Variants in HSP90AB1 observed in about 807,000 individuals in gnomAD.
The protein encoded by HSP90AB1 is heat shock protein HSP 90-beta.
A neutral mutation model predicts 67.8 loss-of-function variants in HSP90AB1; 17 were observed. The observed-to-expected ratio is 0.25, with a 90% CI of 0.17 to 0.38. The LOEUF is 0.38. Among genes scored for constraint, HSP90AB1 ranks in the 10% least tolerant of loss-of-function variants. The pLI is 1.00. For missense variants in HSP90AB1, 690 were observed against 899.9 expected, an observed-to-expected ratio of 0.77 and a Z score of 2.98; for synonymous variants, 390 against 312.9, an observed-to-expected ratio of 1.25 and a Z score of -2.60.
rs898687901 is a variant in HSP90AB1 at position 44,251,050 on chromosome 6, C to T, written c.960C>T (p.His320=). 34 of 1,613,776 alleles carry T rather than the reference C, an allele frequency of 2.1e-5. No homozygotes were observed. The highest frequency in any genetic ancestry group is 2.8e-5 in the Non-Finnish European group (33 of 1,179,834). ...CACTTATTTTTGGTTTCTTTCAGCACTTTTCTGTAGAAGGTCAGTTGGAAT... is the reference window on the plus strand; with the variant it reads ...CACTTATTTTTGGTTTCTTTCAGCATTTTTCTGTAGAAGGTCAGTTGGAAT... ...NDWEDHLAVK[H]FSVEGQLEFR... The change falls in exon 7 of 12, where the codon CAC becomes CAT. Residue 320 remains histidine (H), a splice_region_variant and synonymous_variant. Coordinates refer to ENST00000371646, the MANE Select transcript of HSP90AB1 (RefSeq NM_007355.4).
rs961885455 is a variant in HSP90AB1, at chr6:44,252,929, G to T, written c.1732-116G>T. The stretch of plus-strand genomic sequence containing the variant: ...GGGTTTTGCCATGTTGGCCAGCATG[G>T]TCTCAAACTCAAGTGGTCTGTCCAC... On this transcript the variant is annotated intron_variant, in intron 10 of 11. Coordinates refer to ENST00000371646, the MANE Select transcript of HSP90AB1 (RefSeq NM_007355.4). 7.6e-6 allele frequency: 6 copies of T among 787,368 alleles called. No individual in the cohort carries two copies. The African/African-American group carries it at 8.7e-5, about 11-fold the overall frequency. The allele number at this position is 787,368 out of a possible 1,614,324, so 48.8% of individuals were successfully genotyped here.
upstream of HSP90AB1, among the ~76,000 whole-genome samples, chr6:44,246,647 C>G (rs148067081): frequency 6.6e-6 from 1 of 152,178 alleles, no homozygotes; most frequent in Non-Finnish European, 1.5e-5. Context: ...GTCCCTCTGT[C>G]GGGACGCGAG....
chr6:44,250,513 A>G lies in HSP90AB1; in HGVS notation c.871A>G (p.Arg291Gly). ...AAACAAGACCAAGCCTATTTGGACC[A>G]GAAACCCTGATGACATCACCCAAGA... ...ELNKTKPIWT[R>G]NPDDITQEEY... is the part of the protein sequence containing the mutation. Residue 291 changes from arginine to glycine, a missense_variant, in exon 6 of 12, where the codon AGA (arginine) becomes GGA (glycine). Arg to Gly is a moderately radical substitution (Grantham distance 125, BLOSUM62 -2). Transcript: ENST00000371646. 1.2e-6 allele frequency: 2 copies of G among 1,614,176 alleles called. No homozygotes were observed. The highest frequency in any genetic ancestry group is 1.7e-6 in the Non-Finnish European group (2 of 1,179,988).
chr6:44,253,037 G>T lies in HSP90AB1; in HGVS notation c.1732-8G>T, dbSNP rs781471728. ...ATGTCAATCTAAGGCTTTTGTGATCGTCCACAGGTGACAATCTCCAATAGA... is the reference window on the plus strand; with the variant it reads ...ATGTCAATCTAAGGCTTTTGTGATCTTCCACAGGTGACAATCTCCAATAGA... On this transcript the variant is annotated splice_polypyrimidine_tract_variant and splice_region_variant and intron_variant, in intron 10 of 11. Transcript: ENST00000371646. 1 of 1,610,310 alleles carries T rather than the reference G, an allele frequency of 6.2e-7. No homozygotes were observed. Among genetic ancestry groups the T allele is most frequent in the Non-Finnish European group, 8.5e-7 (1 of 1,176,758 alleles).
At chr6:44,248,368 TTC>T (rs35548963) in intron 1 of HSP90AB1, among the ~76,000 whole-genome samples, 6 of 152,362 alleles carry the variant, frequency 3.9e-5, no homozygotes, top group Non-Finnish European at 5.9e-5. Context: ...CTGGTCACCA[TTC>T]TTTAAGTAGG....
At chr6:44,251,906 C>G (rs2153321318) in intron 9 of HSP90AB1, 22 bp downstream of exon 9, 1 of 1,613,412 alleles carries the variant, frequency 6.2e-7, no homozygotes, top group Non-Finnish European at 8.5e-7. Flanking sequence ...CTGATTGAAG[C>G]CTTTTTGGAG....
intron 7 of HSP90AB1, 95 bp downstream of exon 7, chr6:44,251,308 C>T: frequency 2.6e-6 from 4 of 1,532,630 alleles, no homozygotes; most frequent in East Asian, 4.5e-5. Context: ...TTCTGCAATA[C>T]ATAGTAGGTG....
Position 44,251,140 on chromosome 6 carries a change from G to A in HSP90AB1, c.1050G>A (p.Lys350=). The change falls in exon 7 of 12, where the codon AAG becomes AAA. Residue 350 remains lysine, a synonymous_variant. Coordinates refer to ENST00000371646, the MANE Select transcript of HSP90AB1 (RefSeq NM_007355.4). ...PFDLFENKKK[K]NNIKLYVRRV... Reference sequence around the variant, plus strand: ...ACCTTTTTGAGAACAAGAAGAAAAAGAACAACATCAAACTCTATGTCCGCC... The same window carrying A: ...ACCTTTTTGAGAACAAGAAGAAAAAAAACAACATCAAACTCTATGTCCGCC... The A allele has an allele frequency of 6.2e-7, 1 of 1,614,162 alleles. No individual in the cohort carries two copies. Among genetic ancestry groups the A allele is most frequent in the Admixed American group, 1.7e-5 (1 of 60,026 alleles).
At position 44,253,358 on chromosome 6, in the gene HSP90AB1, G is replaced by A. The variant is rs749905585; in HGVS notation, c.2045G>A (p.Arg682His). 9.3e-6 allele frequency: 15 copies of A among 1,613,974 alleles called. No homozygotes were observed. The highest frequency in any genetic ancestry group is 2.2e-5 in the East Asian group (1 of 44,896). The part of the protein sequence containing the change: ...DPQTHSNRIY[R>H]MIKLGLGIDE... ...CAGACCCACTCCAACCGCATCTATC[G>A]CATGATCAAGCTAGGTCTAGGTAAG... Residue 682 changes from arginine (R) to histidine (H), a missense_variant, in exon 11 of 12, where the codon CGC (arginine) becomes CAC (histidine). This residue lies in a region of HSP90AB1 where 120 missense variants were observed against 153.5 expected (regional missense o/e 0.78). Transcript: ENST00000371646.
rs906387294 is a variant in HSP90AB1 at position 44,251,895 on chromosome 6, T to G, written c.1462+11T>G. On this transcript the variant is annotated intron_variant, in intron 9 of 11. Transcript: ENST00000371646. ...TCTATTACATCACTGGTGCGTTGAC[T>G]CTGATTGAAGCCTTTTTGGAGGAGT... is the stretch of plus-strand genomic sequence containing the variant. The G allele has an allele frequency of 3.1e-6, 5 of 1,613,238 alleles. No homozygotes were observed. The African/African-American group carries it at 5.3e-5, about 17-fold the overall frequency.
chr6:44,253,017 A>G (rs778245912), intron 10 of HSP90AB1, 28 bp from the exon 11 acceptor site: 11 of 1,582,830 alleles, frequency 6.9e-6, no homozygotes, highest in Non-Finnish European at 9.5e-6. Flanking sequence ...TGGTAATGTC[A>G]ATCTAAGGCT....
chr6:44,246,928 C>T (rs1356936430), upstream of HSP90AB1, among the ~76,000 whole-genome samples: 2 of 152,160 alleles, frequency 1.3e-5, no homozygotes, highest in Non-Finnish European at 2.9e-5. Context: ...TGGGCGGATC[C>T]GTTGCTTGGG....
Position 44,250,297 on chromosome 6 carries a change from A to G in HSP90AB1, c.655A>G (p.Lys219Glu). Residue 219 changes from lysine to glutamate, a missense_variant, in exon 6 of 12, where the codon AAG becomes GAG. Physicochemically the swap from Lys to Glu is moderately conservative, Grantham distance 56. This residue lies in a region of HSP90AB1 where 146 missense variants were observed against 143.7 expected (regional missense o/e 1.02). Transcript: ENST00000371646. Reference protein sequence around the residue: ...IGYPITLYLEKEREKEISDDE... With the variant: ...IGYPITLYLEEEREKEISDDE... Reference sequence around the variant, plus strand: ...TTCTGTTTTTGTTACTTAGTTGGAGAAGGAACGAGAGAAGGAAATTAGTGA... The same window carrying G: ...TTCTGTTTTTGTTACTTAGTTGGAGGAGGAACGAGAGAAGGAAATTAGTGA... The G allele has an allele frequency of 6.2e-7, 1 of 1,613,160 alleles. No individual in the cohort carries two copies. Among genetic ancestry groups the G allele is most frequent in the Non-Finnish European group, 8.5e-7 (1 of 1,179,610 alleles).
At chr6:44,247,714 G>A (rs1780096700) in intron 1 of HSP90AB1, among the ~76,000 whole-genome samples, 1 of 152,210 alleles carries the variant, frequency 6.6e-6, no homozygotes, top group Non-Finnish European at 1.5e-5. Context: ...TCCAGCACCC[G>A]ATACTCCCTC....
rs770629980 is a variant in HSP90AB1, at chr6:44,253,776, CTA to C, written c.*179_*180del. 6 of 777,584 alleles carry C rather than the reference CTA, an allele frequency of 7.7e-6. No homozygotes were observed. In the Admixed American group the frequency reaches 1.0e-4, roughly 13 times the overall value. 48.2% of individuals were successfully genotyped at this position (777,584 alleles called of 1,614,324 possible). A position where few individuals can be genotyped will look rare whatever the true frequency, so the allele number is the denominator to read the frequency against. ...AAGGGTGTCAAGCCCCATTCCCTCT[CTA>C]CTCTTGACAGCAGGATTGGATGTTG... is the stretch of plus-strand genomic sequence containing the variant. On this transcript the variant is annotated 3_prime_UTR_variant, in exon 12 of 12. Transcript: ENST00000371646.
chr6:44,251,258 G>C, intron 7 of HSP90AB1, 45 bp downstream of exon 7: 8 of 1,601,440 alleles, frequency 5.0e-6, no homozygotes, highest in Non-Finnish European at 5.1e-6. Context: ...AGTCTTGGGA[G>C]GTTTTAGGCA....
At chr6:44,248,542 C>T (rs771592920) in intron 1 of HSP90AB1, 88 bp from the exon 2 acceptor site, 27 of 1,251,402 alleles carry the variant, frequency 2.2e-5, no homozygotes, top group Non-Finnish European at 2.9e-5. Flanking sequence ...AACTCACTGT[C>T]TAAGGTCCTA....
chr6:44,246,877 C>T (rs1225418479), upstream of HSP90AB1, among the ~76,000 whole-genome samples: 2 of 152,216 alleles, frequency 1.3e-5, no homozygotes, highest in African/African-American at 2.4e-5. Flanking sequence ...GAGTCATGTC[C>T]TAGACGTGAA....
In HSP90AB1 at chr6:44,253,689, T is replaced by G. The variant is rs778731073; in HGVS notation, c.*91T>G. 1.1e-6 allele frequency: 1 copy of G among 927,264 alleles called. No individual in the cohort carries two copies. The highest frequency in any genetic ancestry group is 1.8e-6 in the Non-Finnish European group (1 of 552,472). 57.4% of individuals were successfully genotyped at this position (927,264 alleles called of 1,614,324 possible). On this transcript the variant is annotated 3_prime_UTR_variant, in exon 12 of 12. Coordinates refer to ENST00000371646, the MANE Select transcript of HSP90AB1 (RefSeq NM_007355.4). ...CTCGAGTGCCCCTGTCCCACCTGGC[T>G]CCCCCTGCTGGTGTCTAGTGTTTTT... is the stretch of plus-strand genomic sequence containing the variant.
Sources: allele counts gnomAD v4.1 joint callset (sites outside exome capture counted in the v4.1 genomes callset), GRCh38; gene constraint gnomAD v4.1.1; regional missense constraint gnomAD v4.1.1; transcripts MANE v1.5; gene names NCBI Gene and HGNC (gene_info 2026-07-23, HGNC 2026-07-21).